The following CLCN7 variants were observed in gnomAD, a reference collection of about 807,000 sequenced individuals.
CLCN7 encodes the protein Cl-/H+ antiporter 7, also known as H(+)/Cl(-) exchange transporter 7.
A neutral mutation model predicts 102.1 loss-of-function variants in CLCN7; 60 were observed. The ratio of observed to expected loss-of-function variants is 0.59; its 90% CI spans 0.48 to 0.73. The LOEUF is 0.73. Ranked by LOEUF, CLCN7 falls within the 30% of genes least tolerant of loss-of-function variation. The pLI is 0.00. For synonymous variants in CLCN7, 560 were observed against 490.5 expected (o/e 1.14, Z -1.87); for missense variants, 962 against 1,125.7 (o/e 0.85, Z 2.08).
rs991523525 is a variant in CLCN7 at position 1,461,257 on chromosome 16, G to C, written c.351+148C>G. The stretch of plus-strand genomic sequence containing the variant: ...GACCGTGACCCTCCCACTGTCTCTA[G>C]AAACCAGACGAACCACAGGCCTCAG... On this transcript the variant is annotated intron_variant, in intron 4 of 24. Coordinates refer to ENST00000382745, the MANE Select transcript of CLCN7 (RefSeq NM_001287.6). 7 of 793,584 alleles carry C rather than the reference G, an allele frequency of 8.8e-6. No homozygotes were observed. In the African/African-American group the frequency reaches 1.2e-4, roughly 14 times the overall value. 49.2% of individuals were successfully genotyped at this position (793,584 alleles called of 1,614,324 possible). A position where few individuals can be genotyped will look rare whatever the true frequency, so the allele number is the denominator to read the frequency against.
In CLCN7 at chr16:1,460,533, G is replaced by A; in HGVS notation, c.485-6C>T. ...CTCTGTGAACTTGTCGATATCTGGGGCTCATCAAGGAGGGCTGGCTGCTTC... is the reference window on the plus strand; with the variant it reads ...CTCTGTGAACTTGTCGATATCTGGGACTCATCAAGGAGGGCTGGCTGCTTC... On this transcript the variant is annotated splice_region_variant and splice_polypyrimidine_tract_variant and intron_variant, in intron 5 of 24. Coordinates refer to ENST00000382745, the MANE Select transcript of CLCN7 (RefSeq NM_001287.6). 1.9e-6 allele frequency: 3 copies of A among 1,605,880 alleles called. No homozygotes were observed. Among genetic ancestry groups the A allele is most frequent in the Non-Finnish European group, 2.6e-6 (3 of 1,173,264 alleles).
intron 10 of CLCN7, 68 bp from the exon 11 acceptor site, chr16:1,455,863 C>T: frequency 6.5e-7 from 1 of 1,539,462 alleles, no homozygotes; most frequent in South Asian, 1.1e-5. Context: ...CCAACTCCCT[C>T]CCCCAGGCTC....
At chr16:1,461,532 A>G (rs1268431817) in intron 3 of CLCN7, 62 bp from the exon 4 acceptor site, 3 of 1,607,038 alleles carry the variant, frequency 1.9e-6, no homozygotes, top group South Asian at 1.1e-5. Context: ...GTGCGGGCAC[A>G]GGGGACCGGG....
In CLCN7 at chr16:1,453,632, C is replaced by T. The variant is rs980253321; in HGVS notation, c.1214+202G>A. On this transcript the variant is annotated intron_variant, in intron 14 of 24. Coordinates refer to ENST00000382745, the MANE Select transcript of CLCN7 (RefSeq NM_001287.6). ...CTCCAGGAGCCCTCGCACTCCTAGC[C>T]TTGGGCTAGTCCGTCACCCTCCAGG... Among the ~76,000 whole-genome samples the T allele has an allele frequency of 2.0e-5, 3 of 152,356 alleles. No individual in the cohort carries two copies. The South Asian group carries it at 6.2e-4, about 32-fold the overall frequency.
At chr16:1,473,729 T>C (rs1193931745) in intron 1 of CLCN7, among the ~76,000 whole-genome samples, 2 of 151,594 alleles carry the variant, frequency 1.3e-5, no homozygotes, top group Admixed American at 6.6e-5. Flanking sequence ...CAAGAGAAAA[T>C]GTAAAGAATA....
rs754878952 is a variant in CLCN7 at position 1,455,809 on chromosome 16, G to T, written c.917-14C>A. The T allele has an allele frequency of 1.2e-6, 2 of 1,612,412 alleles. No individual in the cohort carries two copies. Among genetic ancestry groups the T allele is most frequent in the Non-Finnish European group, 1.7e-6 (2 of 1,179,940 alleles). On this transcript the variant is annotated splice_polypyrimidine_tract_variant and intron_variant, in intron 10 of 24. Transcript: ENST00000382745. ...ACAGGACCCCACCTGGAAGGCAGGC[G>T]GCCGGCTCGGGTGCCAGCTGGACAC...
Position 1,457,887 on chromosome 16 carries a change from G to A in CLCN7, c.676-131C>T, listed in dbSNP as rs2038863638. On this transcript the variant is annotated intron_variant, in intron 7 of 24. Transcript: ENST00000382745. The surrounding 1 kb of genome is among the most constrained non-coding windows in gnomAD (Gnocchi z 5.4). ...ACACGGGGCCTCCGGGAGGGGGCCA[G>A]CACCCCCAGGCTGGGTCTCCCCATG... 2 of 861,400 alleles carry A rather than the reference G, an allele frequency of 2.3e-6. No individual in the cohort carries two copies. Among genetic ancestry groups the A allele is most frequent in the Non-Finnish European group, 3.8e-6 (2 of 526,550 alleles). 53.4% of individuals were successfully genotyped at this position (861,400 alleles called of 1,614,324 possible).
rs546223666 is a variant in CLCN7, at chr16:1,461,016, C to G, written c.352-68G>C. On this transcript the variant is annotated intron_variant, in intron 4 of 24. Coordinates refer to ENST00000382745, the MANE Select transcript of CLCN7 (RefSeq NM_001287.6). ...GCAGTCACTCTGGCAGCAGCAGGACCGCCCAGACCGCCTGCAGGCCCCGGG... is the reference window on the plus strand; with the variant it reads ...GCAGTCACTCTGGCAGCAGCAGGACGGCCCAGACCGCCTGCAGGCCCCGGG... The G allele has an allele frequency of 2.8e-5, 44 of 1,576,288 alleles. No individual in the cohort carries two copies. In the East Asian group the frequency reaches 1.0e-3, roughly 36 times the overall value.
chr16:1,469,131 G>A (rs908691793), intron 1 of CLCN7, among the ~76,000 whole-genome samples: 2 of 151,130 alleles, frequency 1.3e-5, no homozygotes, highest in African/African-American at 2.4e-5. Flanking sequence ...GCTTGAACCC[G>A]GGAGGTGGAG....
At chr16:1,455,867 C>T in intron 10 of CLCN7, 72 bp from the exon 11 acceptor site, 2 of 1,528,572 alleles carry the variant, frequency 1.3e-6, no homozygotes, top group South Asian at 1.1e-5. Flanking sequence ...CTCCCTCCCC[C>T]AGGCTCCAGG....
At position 1,455,779 on chromosome 16, in the gene CLCN7, G is replaced by A; in HGVS notation, c.933C>T (p.Ser311=). 2 of 1,613,604 alleles carry A rather than the reference G, an allele frequency of 1.2e-6. No homozygotes were observed. The highest frequency in any genetic ancestry group is 1.1e-5 in the South Asian group (1 of 91,074). The change falls in exon 11 of 25, where the codon AGC becomes AGT. Residue 311 remains serine (S), a synonymous_variant. Coordinates refer to ENST00000382745, the MANE Select transcript of CLCN7 (RefSeq NM_001287.6). ...TCCAGAAGGACGCACCCTCCTCCAA[G>A]CTGAACAGGACCCCACCTGGAAGGC... ...FGAPVGGVLF[S]LEEGASFWNQ...
intron 16 of CLCN7, 136 bp from the exon 17 acceptor site, chr16:1,450,802 C>T (rs1465590718): frequency 4.1e-6 from 3 of 734,856 alleles, no homozygotes; most frequent in Non-Finnish European, 6.5e-6. Context: ...CCAGCGGTCC[C>T]CAGAAGGCTC....
At chr16:1,451,791 C>T (rs555881694) in intron 15 of CLCN7, 75 bp from the exon 16 acceptor site, 31 of 1,163,564 alleles carry the variant, frequency 2.7e-5, no homozygotes, top group East Asian at 5.0e-5. Context: ...CTGGTGTCGC[C>T]GTGAGAGGCC....
At chr16:1,467,316 G>A (rs991565581) in intron 1 of CLCN7, among the ~76,000 whole-genome samples, 2 of 152,200 alleles carry the variant, frequency 1.3e-5, no homozygotes, top group Non-Finnish European at 2.9e-5. Flanking sequence ...CAGGGCGCCT[G>A]CCCCTCCTCT....
chr16:1,465,193 C>G (rs1019756456), intron 2 of CLCN7, 74 bp downstream of exon 2: 5 of 1,445,768 alleles, frequency 3.5e-6, no homozygotes, highest in Non-Finnish European at 4.8e-6. Flanking sequence ...GCCGCTCGGC[C>G]CGTGCCCATC....
At chr16:1,474,435 T>C (rs1371627964) in intron 1 of CLCN7, 3 of 340,874 alleles carry the variant, frequency 8.8e-6, no homozygotes, top group East Asian at 8.6e-5. Context: ...CAAACAAAAT[T>C]AGTTGCTCGT....
intron 6 of CLCN7, among the ~76,000 whole-genome samples, chr16:1,460,180 G>A (rs1195472415): frequency 6.6e-6 from 1 of 152,012 alleles, no homozygotes; most frequent in African/African-American, 2.4e-5. Context: ...AGTGGGGTGA[G>A]GGTGCCCAGG....
At chr16:1,448,257 T>C in intron 21 of CLCN7, 98 bp downstream of exon 21, 2 of 1,522,352 alleles carry the variant, frequency 1.3e-6, no homozygotes, top group Non-Finnish European at 1.8e-6. Context: ...CACCCAAACG[T>C]GCAGCTTCCC....
intron 1 of CLCN7, chr16:1,466,851 G>A (rs117044983): frequency 0.066 from 9,848 of 148,570 alleles, 414 homozygotes; most frequent in Non-Finnish European, 0.096. Flanking sequence ...GCTTGAAGCC[G>A]GGAGGTGGAG....
Sources: allele counts gnomAD v4.1 joint callset (sites outside exome capture counted in the v4.1 genomes callset), GRCh38; gene constraint gnomAD v4.1.1; non-coding constraint Gnocchi (gnomAD v3.1); transcripts MANE v1.5; gene names NCBI Gene and HGNC (gene_info 2026-07-23, HGNC 2026-07-21).